ATP8B1: variants seen among roughly 807,000 people sequenced by gnomAD.
ATP8B1 encodes ATPase phospholipid transporting 8B1, also known as phospholipid-transporting ATPase IC.
ATP8B1 carries 80 observed loss-of-function variants against 149.9 expected under a neutral mutation model. The observed-to-expected ratio is 0.53, with a 90% CI of 0.45 to 0.64. The LOEUF is 0.64. ATP8B1 is among the 30% of genes least tolerant of loss of function. The pLI, the probability that ATP8B1 is intolerant of heterozygous loss-of-function variation, is 0.00. For synonymous variants in ATP8B1, 536 were observed against 562.8 expected (o/e 0.95, Z 0.67); for missense variants, 1,247 against 1,552.6 (o/e 0.80, Z 3.31).
intron 1 of ATP8B1, among the ~76,000 whole-genome samples, chr18:57,749,499 A>G (rs148636709): frequency 1.5e-4 from 23 of 152,314 alleles, no homozygotes; most frequent in African/African-American, 5.5e-4. Context: ...ACTATTTATA[A>G]CTTTTACTCA....
chr18:57,698,763 G>A (rs1912962658), intron 6 of ATP8B1, among the ~76,000 whole-genome samples: 1 of 152,204 alleles, frequency 6.6e-6, no homozygotes, highest in Admixed American at 6.5e-5. Flanking sequence ...CACAACTTGT[G>A]TTTACACAGC....
chr18:57,654,244 C>T (rs1424093773), intron 23 of ATP8B1, among the ~76,000 whole-genome samples, 169 bp from the exon 24 acceptor site: 2 of 151,948 alleles, frequency 1.3e-5, no homozygotes, highest in African/African-American at 2.4e-5. Flanking sequence ...TGGCCTTAAG[C>T]GATCTCCCCA....
rs2271770 is a variant in ATP8B1 at position 57,661,140 on chromosome 18, G to A, written c.2707+34C>T. On this transcript the variant is annotated intron_variant, in intron 22 of 27. Coordinates refer to ENST00000648908, the MANE Select transcript of ATP8B1 (RefSeq NM_001374385.1). Reference sequence around the variant, plus strand: ...TCCAGCCATTTCTCCTCTCTAGCACGTTGGGCCTCACTGGCCGTGGGTGCA... The same window carrying A: ...TCCAGCCATTTCTCCTCTCTAGCACATTGGGCCTCACTGGCCGTGGGTGCA... 8.0e-4 allele frequency: 1,288 copies of A among 1,610,174 alleles called. 34 individuals are homozygous for A. In the East Asian group the frequency reaches 0.028, roughly 35 times the overall value.
intron 1 of ATP8B1, among the ~76,000 whole-genome samples, chr18:57,734,420 T>C (rs1599171539): frequency 6.6e-6 from 1 of 152,134 alleles, no homozygotes; most frequent in Admixed American, 6.6e-5. Context: ...TACATTATTT[T>C]AAGTGAGATG....
chr18:57,703,929 T>C (rs2122958688), intron 4 of ATP8B1, among the ~76,000 whole-genome samples: 1 of 152,298 alleles, frequency 6.6e-6, no homozygotes, highest in African/African-American at 2.4e-5. Context: ...AAAATAGCTT[T>C]AATTTTAAGG....
chr18:57,694,762 G>A, intron 10 of ATP8B1, 92 bp from the exon 11 acceptor site: 1 of 911,974 alleles, frequency 1.1e-6, no homozygotes, highest in South Asian at 1.4e-5. Context: ...AGGCATGGTG[G>A]CTTACGCCTG....
chr18:57,707,278 A>G (rs1913453564), intron 2 of ATP8B1, among the ~76,000 whole-genome samples: 1 of 152,160 alleles, frequency 6.6e-6, no homozygotes, highest in South Asian at 2.1e-4. Context: ...CCTGGGCGAC[A>G]GAGCAAGACT....
chr18:57,648,454 C>T lies in ATP8B1; in HGVS notation c.*34G>A. Reference sequence around the variant, plus strand: ...AGTCTTTCATAAAAAAATAGACGTGCTTTGTGGCCGCATCCCAGCCTGGGG... The same window carrying T: ...AGTCTTTCATAAAAAAATAGACGTGTTTTGTGGCCGCATCCCAGCCTGGGG... On this transcript the variant is annotated 3_prime_UTR_variant, in exon 28 of 28. Transcript: ENST00000648908. 1 of 1,607,572 alleles carries T rather than the reference C, an allele frequency of 6.2e-7. No homozygotes were observed. Among genetic ancestry groups the T allele is most frequent in the Non-Finnish European group, 8.5e-7 (1 of 1,177,024 alleles).
At chr18:57,726,495 A>G (rs557696037) in intron 2 of ATP8B1, among the ~76,000 whole-genome samples, 1 of 152,204 alleles carries the variant, frequency 6.6e-6, no homozygotes, top group African/African-American at 2.4e-5. Context: ...ACCACTCTGT[A>G]TCTTCAGGGG....
intron 2 of ATP8B1, among the ~76,000 whole-genome samples, chr18:57,716,417 TAA>T (rs879472357): frequency 7.1e-6 from 1 of 141,366 alleles, no homozygotes; most frequent in Non-Finnish European, 1.6e-5. Flanking sequence ...TGAATAGATT[TAA>T]AAAAAAAAAA....
intron 13 of ATP8B1, among the ~76,000 whole-genome samples, chr18:57,685,591 A>T (rs577556430): frequency 2.0e-4 from 31 of 152,234 alleles, no homozygotes; most frequent in Admixed American, 1.0e-3. Flanking sequence ...AAATTTACAT[A>T]AAATTAAATT....
rs780822953 is a variant in ATP8B1, at chr18:57,648,451, G to T, written c.*37C>A. The T allele has an allele frequency of 1.9e-6, 3 of 1,604,220 alleles. No individual in the cohort carries two copies. The South Asian group carries it at 3.3e-5, about 18-fold the overall frequency. The stretch of plus-strand genomic sequence containing the variant: ...GAGAGTCTTTCATAAAAAAATAGAC[G>T]TGCTTTGTGGCCGCATCCCAGCCTG... On this transcript the variant is annotated 3_prime_UTR_variant, in exon 28 of 28. Transcript: ENST00000648908.
intron 27 of ATP8B1, among the ~76,000 whole-genome samples, chr18:57,649,877 A>AT (rs776236706): frequency 6.6e-6 from 1 of 152,162 alleles, no homozygotes; most frequent in Non-Finnish European, 1.5e-5. Flanking sequence ...GAGAGAAGAG[A>AT]TGGCAAGAAC....
chr18:57,725,417 G>A (rs2079697348), intron 2 of ATP8B1, among the ~76,000 whole-genome samples: 2 of 152,130 alleles, frequency 1.3e-5, no homozygotes, highest in Admixed American at 1.3e-4. Flanking sequence ...GATATTCCAT[G>A]CTCATGGATT....
At chr18:57,790,016 T>C (rs921803828) in intron 1 of ATP8B1, among the ~76,000 whole-genome samples, 1 of 152,138 alleles carries the variant, frequency 6.6e-6, no homozygotes, top group African/African-American at 2.4e-5. Flanking sequence ...AAACTAAACA[T>C]GATCAAAGCT....
chr18:57,694,117 G>C (rs1252141162), intron 11 of ATP8B1, among the ~76,000 whole-genome samples: 1 of 152,142 alleles, frequency 6.6e-6, no homozygotes, highest in Non-Finnish European at 1.5e-5. Flanking sequence ...CCTGGGAGTG[G>C]TCTTGAGTGT....
At chr18:57,731,290 A>G in intron 2 of ATP8B1, 1 of 130,190 alleles carries the variant, frequency 7.7e-6, no homozygotes, top group Non-Finnish European at 1.6e-5. Context: ...GGGGAGACAC[A>G]GTGAGACCCT....
chr18:57,694,582 C>G lies in ATP8B1; in HGVS notation c.1029G>C (p.Thr343=). 6.5e-7 allele frequency: 1 copy of G among 1,537,270 alleles called. No homozygotes were observed. ...ATCTACTGAGATGAAAAATAAATAC[C>G]GTGTAAACCATGTAGTTCATCAAGT... ...IDYLMNYMVY[T]IFVVLILLSA... Residue 343 remains threonine (T), a splice_region_variant and synonymous_variant, in exon 11 of 28, where the codon ACG becomes ACC. Transcript: ENST00000648908.
chr18:57,765,625 C>T (rs953790329), intron 1 of ATP8B1, among the ~76,000 whole-genome samples: 8 of 150,278 alleles, frequency 5.3e-5, no homozygotes, highest in East Asian at 1.9e-4. Flanking sequence ...GCCAAGATCG[C>T]GCCACTGCAC....
Sources: gnomAD v4.1 joint callset for allele counts (sites outside exome capture counted in the v4.1 genomes callset) on GRCh38, gnomAD v4.1.1 for gene constraint, MANE v1.5 for transcripts, NCBI Gene and HGNC (gene_info 2026-07-23, HGNC 2026-07-21) for gene names.